Variants in RAB8B observed in about 807,000 individuals in gnomAD.
RAB8B encodes ras-related protein Rab-8B.
RAB8B carries 11 observed loss-of-function variants against 32.0 expected under a neutral mutation model. The ratio of observed to expected loss-of-function variants is 0.34; its 90% CI spans 0.22 to 0.57. The LOEUF is 0.57. RAB8B is among the 20% of genes least tolerant of loss of function. The pLI, the probability that RAB8B is intolerant of heterozygous loss-of-function variation, is 0.86. For synonymous variants in RAB8B, 103 were observed against 89.6 expected (o/e 1.15, Z -0.85); for missense variants, 190 against 258.5 (o/e 0.73, Z 1.82).
intron 1 of RAB8B, chr15:63,222,919 C>T (rs1382328965): frequency 3.2e-6 from 1 of 315,494 alleles, no homozygotes; most frequent in Non-Finnish European, 6.2e-6. Context: ...ACTACAGTTA[C>T]CTTATTTTTT....
intron 1 of RAB8B, among the ~76,000 whole-genome samples, chr15:63,214,411 C>T (rs1230852122): frequency 2.0e-5 from 3 of 151,006 alleles, no homozygotes; most frequent in African/African-American, 7.3e-5. Flanking sequence ...CCTGCCTCAG[C>T]CTCCCGGGTA....
At chr15:63,214,282 C>CTTTCTTT (rs2037772849) in intron 1 of RAB8B, among the ~76,000 whole-genome samples, 2 of 113,716 alleles carry the variant, frequency 1.8e-5, no homozygotes, top group Admixed American at 8.7e-5. Flanking sequence ...CGCTCAGTTT[C>CTTTCTTT]TTTCTTTTTT....
intron 5 of RAB8B, among the ~76,000 whole-genome samples, chr15:63,258,399 G>C (rs937958011): frequency 6.6e-6 from 1 of 152,088 alleles, no homozygotes; most frequent in African/African-American, 2.4e-5. Context: ...CACCACACCC[G>C]GCCTAAAAGT....
intron 3 of RAB8B, among the ~76,000 whole-genome samples, chr15:63,254,895 G>C (rs2038147335): frequency 6.6e-6 from 1 of 152,120 alleles, no homozygotes; most frequent in East Asian, 1.9e-4. Context: ...CTGGGTGACA[G>C]AGCGAGACTG....
chr15:63,250,834 G>A (rs2152580694), intron 3 of RAB8B, among the ~76,000 whole-genome samples: 1 of 151,230 alleles, frequency 6.6e-6, no homozygotes, highest in East Asian at 1.9e-4. Context: ...CAACCTGGTA[G>A]ATTGTAGGGT....
At chr15:63,262,407 ACTTT>A (rs1014247283) in intron 6 of RAB8B, among the ~76,000 whole-genome samples, 3 of 152,166 alleles carry the variant, frequency 2.0e-5, no homozygotes, top group Non-Finnish European at 4.4e-5. Context: ...TACAATTATT[ACTTT>A]CTTAATGTAA....
chr15:63,266,860 G>T lies in RAB8B; in HGVS notation c.*3241G>T, dbSNP rs1367962609. 1 of 152,564 alleles carries T rather than the reference G, an allele frequency of 6.6e-6. No individual in the cohort carries two copies. The highest frequency in any genetic ancestry group is 2.4e-5 in the African/African-American group (1 of 41,438). The allele number at this position is 152,564 out of a possible 1,614,324, so 9.5% of individuals were successfully genotyped here. On this transcript the variant is annotated 3_prime_UTR_variant, in exon 8 of 8. Coordinates refer to ENST00000321437, the MANE Select transcript of RAB8B (RefSeq NM_016530.3). Reference sequence around the variant, plus strand: ...ATAAAGTTTTTCCTGTGATCAGTAAGTGACACATTTAAGCAGACATTCTTT... The same window carrying T: ...ATAAAGTTTTTCCTGTGATCAGTAATTGACACATTTAAGCAGACATTCTTT...
chr15:63,200,759 A>G (rs1030356334), intron 1 of RAB8B, among the ~76,000 whole-genome samples: 1 of 152,226 alleles, frequency 6.6e-6, no homozygotes, highest in Admixed American at 6.5e-5. Context: ...TGAGGCCTAG[A>G]GGCATCGGGG....
rs2038181607 is a variant in RAB8B, at chr15:63,259,143, A to G, written c.415-484A>G. ...TTTATTTATTTATTTATTTTGAGAC[A>G]GAGTCTCGCTCTGTCACCTGGACTG... On this transcript the variant is annotated intron_variant, in intron 5 of 7. Coordinates refer to ENST00000321437, the MANE Select transcript of RAB8B (RefSeq NM_016530.3). The surrounding 1 kb of genome is among the most constrained non-coding windows in gnomAD (Gnocchi z 4.4). Among the ~76,000 whole-genome samples the G allele has an allele frequency of 6.6e-6, 1 of 152,154 alleles. No individual in the cohort carries two copies. Among genetic ancestry groups the G allele is most frequent in the South Asian group, 2.1e-4 (1 of 4,834 alleles).
At chr15:63,190,884 G>A (rs1011089077) in intron 1 of RAB8B, among the ~76,000 whole-genome samples, 1 of 152,192 alleles carries the variant, frequency 6.6e-6, no homozygotes, top group Non-Finnish European at 1.5e-5. Flanking sequence ...CACAACATGT[G>A]ATATACCTCT....
intron 1 of RAB8B, among the ~76,000 whole-genome samples, chr15:63,214,500 C>T (rs2037775680): frequency 6.6e-6 from 1 of 151,902 alleles, no homozygotes; most frequent in African/African-American, 2.4e-5. Flanking sequence ...CCATGTTGGC[C>T]AGGCTGGTCT....
intron 1 of RAB8B, among the ~76,000 whole-genome samples, chr15:63,216,310 C>T (rs1236420314): frequency 2.7e-5 from 4 of 149,960 alleles, no homozygotes; most frequent in African/African-American, 7.3e-5. Context: ...CTCACTGCAA[C>T]CTCCGCCTCC....
chr15:63,238,607 A>G (rs1180855276), intron 1 of RAB8B, among the ~76,000 whole-genome samples: 2 of 152,172 alleles, frequency 1.3e-5, no homozygotes, highest in Admixed American at 6.5e-5. Context: ...TCATATAGCT[A>G]TGAATATAAA....
intron 6 of RAB8B, among the ~76,000 whole-genome samples, chr15:63,260,164 G>A (rs1021472568): frequency 1.3e-5 from 2 of 152,128 alleles, no homozygotes; most frequent in African/African-American, 4.8e-5. Flanking sequence ...GCTGGTTGTT[G>A]AATTTCTAGC....
chr15:63,199,638 C>T lies in RAB8B; in HGVS notation c.124+9890C>T, dbSNP rs1024728762. 3.9e-5 allele frequency among the ~76,000 whole-genome samples: 6 copies of T among 152,114 alleles called. No individual in the cohort carries two copies. In the East Asian group the frequency reaches 9.6e-4, roughly 24 times the overall value. On this transcript the variant is annotated intron_variant, in intron 1 of 7. Transcript: ENST00000321437. ...TTATGTCTTTATTTTGGCCCTTCAG[C>T]GTTCAACTTTGGGTTTTTTTTGTTT...
At chr15:63,202,594 G>C (rs560673356) in intron 1 of RAB8B, among the ~76,000 whole-genome samples, 41 of 152,338 alleles carry the variant, frequency 2.7e-4, no homozygotes, top group African/African-American at 9.6e-4. Context: ...AGTGTTGTCT[G>C]TCCACATGGG....
chr15:63,237,268 G>C (rs1272865998), intron 1 of RAB8B, among the ~76,000 whole-genome samples: 1 of 152,140 alleles, frequency 6.6e-6, no homozygotes, highest in Non-Finnish European at 1.5e-5. Context: ...GGATTGCTGG[G>C]TCATATGATA....
intron 1 of RAB8B, among the ~76,000 whole-genome samples, chr15:63,215,782 A>G (rs2037786485): frequency 6.6e-6 from 1 of 152,180 alleles, no homozygotes; most frequent in Non-Finnish European, 1.5e-5. Context: ...CATGCCTATA[A>G]TTCCAGCACT....
At chr15:63,261,554 T>C (rs1476244481) in intron 6 of RAB8B, among the ~76,000 whole-genome samples, 2 of 152,162 alleles carry the variant, frequency 1.3e-5, no homozygotes, top group Non-Finnish European at 2.9e-5. Flanking sequence ...TGCAACAGTA[T>C]GGATAGAACT....
Sources: gnomAD v4.1 joint callset for allele counts (sites outside exome capture counted in the v4.1 genomes callset) on GRCh38, gnomAD v4.1.1 for gene constraint, Gnocchi (gnomAD v3.1) non-coding constraint, MANE v1.5 for transcripts, NCBI Gene and HGNC (gene_info 2026-07-23, HGNC 2026-07-21) for gene names.